Variants in KDM1B observed in about 807,000 individuals in gnomAD.
The protein encoded by KDM1B is lysine demethylase 1B.
A neutral mutation model predicts 107.4 loss-of-function variants in KDM1B; 63 were observed. The observed-to-expected ratio is 0.59, with a 90% CI of 0.48 to 0.72. The LOEUF is 0.72. KDM1B is among the 30% of genes least tolerant of loss of function. The probability of loss-of-function intolerance (pLI) is 0.00; values close to 1 mark genes in which losing one functional copy is unlikely to be tolerated. For missense variants in KDM1B, 749 were observed against 1,020.8 expected, an observed-to-expected ratio of 0.73 and a Z score of 3.63; for synonymous variants, 363 against 363.9, an observed-to-expected ratio of 1.00 and a Z score of 0.03.
chr6:18,191,458 G>C lies in KDM1B; in HGVS notation c.969+77G>C, dbSNP rs1561932517. ...AAAAGGAGGGGATACTTCATCTGGGGATGGAACCTTTTATGCCAGGGTTTC... is the reference window on the plus strand; with the variant it reads ...AAAAGGAGGGGATACTTCATCTGGGCATGGAACCTTTTATGCCAGGGTTTC... On this transcript the variant is annotated intron_variant, in intron 10 of 21. Coordinates refer to ENST00000650836, the MANE Select transcript of KDM1B (RefSeq NM_001364614.2). This position sits in a 1 kb window ranked among gnomAD's most constrained non-coding sequence, Gnocchi z 5.1. 1.4e-6 allele frequency: 2 copies of C among 1,412,488 alleles called. No individual in the cohort carries two copies. Among genetic ancestry groups the C allele is most frequent in the African/African-American group, 2.9e-5 (2 of 69,434 alleles). The allele number at this position is 1,412,488 out of a possible 1,614,324, so 87.5% of individuals were successfully genotyped here.
At chr6:18,157,424 G>T (rs1784693593) in intron 2 of KDM1B, among the ~76,000 whole-genome samples, 1 of 152,048 alleles carries the variant, frequency 6.6e-6, no homozygotes, top group Admixed American at 6.5e-5. Flanking sequence ...CTAGTATTCA[G>T]TTAGATTAAA....
At chr6:18,206,151 CT>C (rs70974712) in intron 15 of KDM1B, among the ~76,000 whole-genome samples, 47,258 of 143,662 alleles carry the variant, frequency 0.33, 7,830 homozygotes, top group Non-Finnish European at 0.38. Flanking sequence ...GTTTTTTAAA[CT>C]TTTTTTTTTT....
chr6:18,179,461 CT>C (rs535019695), intron 7 of KDM1B, among the ~76,000 whole-genome samples: 14 of 152,112 alleles, frequency 9.2e-5, no homozygotes, highest in Admixed American at 7.9e-4. Flanking sequence ...GATATTACTT[CT>C]TTTTTTGTGT....
At chr6:18,199,008 GAAAAAAAAAAAAAAAA>G (rs70974711) in intron 12 of KDM1B, among the ~76,000 whole-genome samples, 3 of 74,696 alleles carry the variant, frequency 4.0e-5, no homozygotes, top group Non-Finnish European at 8.0e-5. Flanking sequence ...GTCTCTACCA[GAAAAAAAAAAAAAAAA>G]AAAAAAAAAG....
chr6:18,191,336 G>A lies in KDM1B; in HGVS notation c.924G>A (p.Leu308=), dbSNP rs895003605. The part of the protein sequence containing the change: ...PEYSRDPTMY[L]ALRNLILALW... ...ATTCCCGAGACCCCACCATGTACCT[G>A]GCTTTGAGAAACCTCATCCTCGCAC... Residue 308 remains leucine, a synonymous_variant, in exon 10 of 22, where the codon CTG becomes CTA. Coordinates refer to ENST00000650836, the MANE Select transcript of KDM1B (RefSeq NM_001364614.2). The surrounding 1 kb of genome is among the most constrained non-coding windows in gnomAD (Gnocchi z 5.1). The A allele has an allele frequency of 3.9e-6, 6 of 1,551,038 alleles. No individual in the cohort carries two copies. Among genetic ancestry groups the A allele is most frequent in the Non-Finnish European group, 5.2e-6 (6 of 1,147,104 alleles).
At chr6:18,179,407 G>GA (rs1786278436) in intron 7 of KDM1B, among the ~76,000 whole-genome samples, 1 of 152,134 alleles carries the variant, frequency 6.6e-6, no homozygotes, top group Admixed American at 6.6e-5. Context: ...CTGGCTCTGT[G>GA]AAACGAGCAG....
intron 7 of KDM1B, among the ~76,000 whole-genome samples, chr6:18,174,451 A>G (rs1243747752): frequency 1.3e-5 from 2 of 151,900 alleles, no homozygotes; most frequent in Non-Finnish European, 2.9e-5. Context: ...TCTGGCTGAT[A>G]CGTATTTATT....
intron 7 of KDM1B, among the ~76,000 whole-genome samples, chr6:18,177,399 A>G (rs1015141215): frequency 2.7e-5 from 4 of 150,900 alleles, no homozygotes; most frequent in Admixed American, 2.0e-4. Context: ...TTATCTTTTC[A>G]AAGAACCAGC....
Position 18,167,265 on chromosome 6 carries a change from G to C in KDM1B, c.417+887G>C, listed in dbSNP as rs571187549. On this transcript the variant is annotated intron_variant, in intron 6 of 21. Transcript: ENST00000650836. ...CCAGCTACTTGGGAGGCTGAGGCAG[G>C]AGAATCGCTTGAACCCAGGAAGCGG... Among the ~76,000 whole-genome samples the C allele has an allele frequency of 9.2e-5, 14 of 151,822 alleles. No homozygotes were observed. The South Asian group carries it at 2.9e-3, about 32-fold the overall frequency.
Position 18,172,190 on chromosome 6 carries a change from A to G in KDM1B, c.534+711A>G, listed in dbSNP as rs969631106. The stretch of plus-strand genomic sequence containing the variant: ...TTAGGAATCGGCCATCGTTGTTATA[A>G]TGTGCCTTTTTTGAAATTTGGCAAT... On this transcript the variant is annotated intron_variant, in intron 7 of 21. Transcript: ENST00000650836. This position sits in a 1 kb window ranked among gnomAD's most constrained non-coding sequence, Gnocchi z 5.2. 6.6e-6 allele frequency among the ~76,000 whole-genome samples: 1 copy of G among 152,176 alleles called. No individual in the cohort carries two copies. Among genetic ancestry groups the G allele is most frequent in the African/African-American group, 2.4e-5 (1 of 41,452 alleles).
At position 18,185,848 on chromosome 6, in the gene KDM1B, T is replaced by G. The variant is rs760616844; in HGVS notation, c.573+38T>G. 1.9e-6 allele frequency: 3 copies of G among 1,588,098 alleles called. No individual in the cohort carries two copies. The South Asian group carries it at 3.3e-5, about 18-fold the overall frequency. On this transcript the variant is annotated intron_variant, in intron 8 of 21. Transcript: ENST00000650836. ...GGATGGTGTGGATTGGGGTTAATTG[T>G]GCCTTTGATGATAAGTGTTACAAGG...
At chr6:18,189,311 G>C (rs979849594) in intron 9 of KDM1B, among the ~76,000 whole-genome samples, 1 of 152,108 alleles carries the variant, frequency 6.6e-6, no homozygotes, top group African/African-American at 2.4e-5. Context: ...TAATTCCCAG[G>C]GTTAATGAAG....
At chr6:18,175,907 C>T (rs1785967620) in intron 7 of KDM1B, among the ~76,000 whole-genome samples, 3 of 152,224 alleles carry the variant, frequency 2.0e-5, no homozygotes, top group South Asian at 2.1e-4. Context: ...AGTGTGATGC[C>T]TCCAGATTTA....
chr6:18,195,733 CAAAAAAA>C (rs774459443), intron 10 of KDM1B, among the ~76,000 whole-genome samples: 1 of 107,876 alleles, frequency 9.3e-6, no homozygotes, highest in Admixed American at 1.0e-4. Flanking sequence ...AACTCCATAT[CAAAAAAA>C]AAAAAAAAGA....
intron 10 of KDM1B, among the ~76,000 whole-genome samples, chr6:18,192,533 T>G (rs899015079): frequency 6.6e-6 from 1 of 152,134 alleles, no homozygotes; most frequent in African/African-American, 2.4e-5. Context: ...GAGTAGGCTG[T>G]GCAACTTATT....
chr6:18,212,248 G>C lies in KDM1B; in HGVS notation c.1867-240G>C, dbSNP rs1488545495. 3 of 492,590 alleles carry C rather than the reference G, an allele frequency of 6.1e-6. No homozygotes were observed. In the Admixed American group the frequency reaches 1.0e-4, roughly 17 times the overall value. The allele number at this position is 492,590 out of a possible 1,614,324, so 30.5% of individuals were successfully genotyped here. A position where few individuals can be genotyped will look rare whatever the true frequency, so the allele number is the denominator to read the frequency against. Reference sequence around the variant, plus strand: ...GCATGAGCCACCGCACCTGGCCTCTGCTGACTCTTCTTATCTAAGATGATT... The same window carrying C: ...GCATGAGCCACCGCACCTGGCCTCTCCTGACTCTTCTTATCTAAGATGATT... On this transcript the variant is annotated intron_variant, in intron 17 of 21. Transcript: ENST00000650836. This position sits in a 1 kb window ranked among gnomAD's most constrained non-coding sequence, Gnocchi z 5.2.
At chr6:18,173,651 T>C (rs1471491648) in intron 7 of KDM1B, among the ~76,000 whole-genome samples, 1 of 152,170 alleles carries the variant, frequency 6.6e-6, no homozygotes, top group Admixed American at 6.5e-5. Context: ...GATCACTAGC[T>C]CAAGTTTTTT....
rs140118994 is a variant in KDM1B, at chr6:18,161,348, A to G, written c.109A>G (p.Thr37Ala). The part of the protein sequence containing the change: ...GRQAKKKATE[T>A]TDEDEDGGSE... Reference sequence around the variant, plus strand: ...TTAGGCGAAGAAGAAAGCAACAGAGACAACAGATGAGGATGAAGATGGTGG... The same window carrying G: ...TTAGGCGAAGAAGAAAGCAACAGAGGCAACAGATGAGGATGAAGATGGTGG... Residue 37 changes from threonine to alanine, a missense_variant, in exon 4 of 22, where the codon ACA becomes GCA. Coordinates refer to ENST00000650836, the MANE Select transcript of KDM1B (RefSeq NM_001364614.2). 4 of 1,613,898 alleles carry G rather than the reference A, an allele frequency of 2.5e-6. No individual in the cohort carries two copies. The African/African-American group carries it at 5.3e-5, about 22-fold the overall frequency.
intron 7 of KDM1B, 114 bp from the exon 8 acceptor site, chr6:18,185,658 T>G: frequency 1.1e-6 from 1 of 916,046 alleles, no homozygotes; most frequent in Non-Finnish European, 1.8e-6. Flanking sequence ...TTCATAAAAA[T>G]GCTTTTCTTT....
Sources: allele counts gnomAD v4.1 joint callset (sites outside exome capture counted in the v4.1 genomes callset), GRCh38; gene constraint gnomAD v4.1.1; non-coding constraint Gnocchi (gnomAD v3.1); transcripts MANE v1.5; gene names NCBI Gene and HGNC (gene_info 2026-07-23, HGNC 2026-07-21).